Variants in SIK3 observed in about 807,000 individuals in gnomAD.
SIK3 encodes SIK family kinase 3.
In SIK3, 28 loss-of-function variants were observed where a neutral mutation model predicts 144.2. The observed-to-expected ratio is 0.19, with a 90% CI of 0.14 to 0.27. The LOEUF (loss-of-function observed/expected upper bound fraction) is 0.27. Among genes scored for constraint, SIK3 ranks in the 10% least tolerant of loss-of-function variants. The pLI is 1.00. For synonymous variants in SIK3, 686 were observed against 676.3 expected, an observed-to-expected ratio of 1.01 and a Z score of -0.22; for missense variants, 1,319 against 1,776.0, an observed-to-expected ratio of 0.74 and a Z score of 4.62.
chr11:116,994,639 T>C (rs886749033), intron 1 of SIK3, among the ~76,000 whole-genome samples: 5 of 152,200 alleles, frequency 3.3e-5, no homozygotes, highest in Non-Finnish European at 7.3e-5. Flanking sequence ...TCTCCTCATC[T>C]TGACCACAAT....
At chr11:117,028,170 C>G (rs7950364) in intron 1 of SIK3, among the ~76,000 whole-genome samples, 130,310 of 152,160 alleles carry the variant, frequency 0.86, 56,461 homozygotes, top group African/African-American at 0.9. Flanking sequence ...AAAATTATAT[C>G]AACACTAAGA....
At chr11:117,035,415 A>C (rs1952451979) in intron 1 of SIK3, among the ~76,000 whole-genome samples, 1 of 152,174 alleles carries the variant, frequency 6.6e-6, no homozygotes, top group South Asian at 2.1e-4. Flanking sequence ...TCTATTAATG[A>C]TTCTATTAAA....
chr11:117,086,994 C>CTA (rs1955043882), intron 1 of SIK3, among the ~76,000 whole-genome samples: 1 of 66,748 alleles, frequency 1.5e-5, no homozygotes, highest in Non-Finnish European at 3.2e-5. Context: ...GACTCCATCT[C>CTA]AAAAAAAAAA....
At chr11:116,946,844 G>A (rs557565181) in intron 3 of SIK3, among the ~76,000 whole-genome samples, 5 of 152,114 alleles carry the variant, frequency 3.3e-5, no homozygotes, top group Admixed American at 2.6e-4. Flanking sequence ...GGCCAGGAGC[G>A]TTGGCTCACG....
chr11:117,025,521 C>A (rs545249605), intron 1 of SIK3, among the ~76,000 whole-genome samples: 1 of 152,226 alleles, frequency 6.6e-6, no homozygotes, highest in East Asian at 1.9e-4. Context: ...TCTCAGCTCA[C>A]TGCAACTTCT....
At chr11:116,870,437 A>C (rs893931212) in intron 13 of SIK3, 36 bp from the exon 14 acceptor site, 2 of 1,612,024 alleles carry the variant, frequency 1.2e-6, no homozygotes, top group Middle Eastern at 2.3e-4. Flanking sequence ...TCAAGGTGGC[A>C]GCTTATTCTG....
At chr11:116,996,024 C>T (rs895050063) in intron 1 of SIK3, among the ~76,000 whole-genome samples, 2 of 152,022 alleles carry the variant, frequency 1.3e-5, no homozygotes, top group Admixed American at 6.6e-5. Flanking sequence ...GAACAAAATT[C>T]TGGCTGGGTG....
chr11:117,008,641 C>G (rs1951140789), intron 1 of SIK3, among the ~76,000 whole-genome samples: 1 of 152,124 alleles, frequency 6.6e-6, no homozygotes, highest in Non-Finnish European at 1.5e-5. Flanking sequence ...TCTCAAACTC[C>G]AGAATTACCT....
chr11:116,947,322 G>C (rs1948702876), intron 3 of SIK3, among the ~76,000 whole-genome samples: 1 of 143,312 alleles, frequency 7.0e-6, no homozygotes, highest in African/African-American at 2.6e-5. Flanking sequence ...CTAGCAGTCA[G>C]AGAAAGGAGG....
At chr11:116,940,967 C>T (rs145705809) in intron 3 of SIK3, among the ~76,000 whole-genome samples, 3 of 151,556 alleles carry the variant, frequency 2.0e-5, no homozygotes, top group African/African-American at 7.3e-5. Context: ...GTTAGGAGAC[C>T]CTTAGAAAAT....
chr11:116,875,646 C>A, intron 9 of SIK3, 195 bp from the exon 10 acceptor site: 1 of 810,120 alleles, frequency 1.2e-6, no homozygotes, highest in Non-Finnish European at 1.9e-6. Flanking sequence ...GCTATTTCTT[C>A]AAAAAAACAA....
At chr11:116,875,763 AG>A (rs1944218571) in intron 9 of SIK3, 102 bp downstream of exon 9, 1 of 1,354,340 alleles carries the variant, frequency 7.4e-7, no homozygotes, top group Non-Finnish European at 1.0e-6. Flanking sequence ...GACAGAGGTA[AG>A]GAAGAGCAAG....
chr11:117,018,480 G>A (rs1951627400), intron 1 of SIK3, among the ~76,000 whole-genome samples: 1 of 152,076 alleles, frequency 6.6e-6, no homozygotes, highest in African/African-American at 2.4e-5. Context: ...TCCTAAACTG[G>A]ATTATCTTTG....
chr11:116,858,823 G>A lies in SIK3; in HGVS notation c.2766-124C>T. On this transcript the variant is annotated intron_variant, in intron 20 of 24. Coordinates refer to ENST00000445177, the MANE Select transcript of SIK3 (RefSeq NM_001366686.3). This position sits in a 1 kb window ranked among gnomAD's most constrained non-coding sequence, Gnocchi z 5.4. ...AGAACTGTGGTGTGACAGAGAAGTG[G>A]CAGATGTATGCATTGTCCCTATTTA... is the stretch of plus-strand genomic sequence containing the variant. The A allele has an allele frequency of 7.3e-7, 1 of 1,362,036 alleles. No homozygotes were observed. The highest frequency in any genetic ancestry group is 9.8e-7 in the Non-Finnish European group (1 of 1,019,678). 84.4% of individuals were successfully genotyped at this position (1,362,036 alleles called of 1,614,324 possible).
intron 6 of SIK3, among the ~76,000 whole-genome samples, chr11:116,882,378 G>A (rs756500688): frequency 1.1e-4 from 16 of 152,126 alleles, no homozygotes; most frequent in Non-Finnish European, 1.6e-4. Flanking sequence ...AAGGCTTCCC[G>A]AATCAAGGAT....
In SIK3 at chr11:116,881,437, TGG is replaced by T. The variant is rs1197497227; in HGVS notation, c.866-4397_866-4396del. ...TTGCCCTGCTGCGCTGCCAGGCATTTGGATGACTTTGTGGGGAGAGAGCTGCT... is the reference window on the plus strand; with the variant it reads ...TTGCCCTGCTGCGCTGCCAGGCATTTATGACTTTGTGGGGAGAGAGCTGCT... On this transcript the variant is annotated intron_variant, in intron 6 of 24. Coordinates refer to ENST00000445177, the MANE Select transcript of SIK3 (RefSeq NM_001366686.3). 4.6e-5 allele frequency among the ~76,000 whole-genome samples: 7 copies of T among 152,326 alleles called. No homozygotes were observed. In the East Asian group the frequency reaches 1.3e-3, roughly 29 times the overall value.
intron 4 of SIK3, among the ~76,000 whole-genome samples, chr11:116,912,023 G>T (rs1433899540): frequency 6.6e-6 from 1 of 152,202 alleles, no homozygotes; most frequent in Non-Finnish European, 1.5e-5. Context: ...GTCTCTTCAT[G>T]TGGCCATGGT....
intron 1 of SIK3, among the ~76,000 whole-genome samples, chr11:117,091,904 T>C (rs550715524): frequency 3.2e-4 from 48 of 152,090 alleles, no homozygotes; most frequent in African/African-American, 1.2e-3. Flanking sequence ...CGCCTCCACC[T>C]CCCAAGTAGC....
intron 1 of SIK3, among the ~76,000 whole-genome samples, chr11:117,020,822 G>T (rs1303943164): frequency 6.6e-6 from 1 of 152,100 alleles, no homozygotes; most frequent in Non-Finnish European, 1.5e-5. Flanking sequence ...TAATGAACTG[G>T]TCAGTATGTT....
Sources: gnomAD v4.1 joint callset for allele counts (sites outside exome capture counted in the v4.1 genomes callset) on GRCh38, gnomAD v4.1.1 for gene constraint, Gnocchi (gnomAD v3.1) non-coding constraint, MANE v1.5 for transcripts, NCBI Gene and HGNC (gene_info 2026-07-23, HGNC 2026-07-21) for gene names.